The following SEC31A variants were observed in gnomAD, a reference collection of about 807,000 sequenced individuals.
The protein encoded by SEC31A is SEC31 homolog A, COPII component.
Under a neutral mutation model 151.0 loss-of-function variants are expected in SEC31A, and 70 were observed. The observed-to-expected ratio is 0.46, with a 90% CI of 0.38 to 0.57. SEC31A has a LOEUF of 0.57. Ranked by LOEUF, SEC31A falls within the 20% of genes least tolerant of loss-of-function variation. The probability of loss-of-function intolerance (pLI) is 0.00; values close to 1 mark genes in which losing one functional copy is unlikely to be tolerated. For missense variants in SEC31A, 1,330 were observed against 1,471.2 expected, an observed-to-expected ratio of 0.90 and a Z score of 1.57; for synonymous variants, 475 against 505.9, an observed-to-expected ratio of 0.94 and a Z score of 0.82.
At chr4:82,878,260 C>T (rs1039648445) in intron 4 of SEC31A, among the ~76,000 whole-genome samples, 4 of 151,904 alleles carry the variant, frequency 2.6e-5, no homozygotes, top group African/African-American at 4.8e-5. Flanking sequence ...CTTTGGGAGG[C>T]CGAGGCGGGC....
chr4:82,860,738 G>A (rs1578273879), intron 14 of SEC31A, among the ~76,000 whole-genome samples: 1 of 152,100 alleles, frequency 6.6e-6, no homozygotes, highest in African/African-American at 2.4e-5. Flanking sequence ...GCCTCCCAAA[G>A]TGCTGGGATT....
chr4:82,855,164 CATA>C, intron 16 of SEC31A, 135 bp from the exon 17 acceptor site: 1 of 698,548 alleles, frequency 1.4e-6, no homozygotes, highest in South Asian at 2.2e-5. Context: ...AATCAAATGA[CATA>C]ATAATGGTAT....
rs10548601 is a variant in SEC31A, at chr4:82,871,311, T to TACAC, written c.782+629_782+632dup. 3,416 of 1,324,130 alleles carry TACAC rather than the reference T, an allele frequency of 2.6e-3. 7 individuals carry two copies. Among genetic ancestry groups the TACAC allele is most frequent in the Middle Eastern group, 0.018 (73 of 4,086 alleles). The allele number at this position is 1,324,130 out of a possible 1,614,324, so 82.0% of individuals were successfully genotyped here. Reference sequence around the variant, plus strand: ...AAATTATATTGGGATTATACATGCATACACACACACACACACACACACACA... The same window carrying TACAC: ...AAATTATATTGGGATTATACATGCATACACACACACACACACACACACACACACA... On this transcript the variant is annotated intron_variant, in intron 7 of 26. Coordinates refer to ENST00000395310, the MANE Select transcript of SEC31A (RefSeq NM_001077207.4).
At chr4:82,843,704 G>C (rs1729435151) in intron 21 of SEC31A, 1 of 150,450 alleles carries the variant, frequency 6.6e-6, no homozygotes, top group Admixed American at 6.6e-5. Context: ...TTTTCAAATA[G>C]TGGCAATATT....
rs1735111675 is a variant in SEC31A at position 82,865,532 on chromosome 4, T to A, written c.1198-934A>T. ...CATCAAATGAATGGATAAAAAAAAA[T>A]GTGGTATATATATATATATATATAT... On this transcript the variant is annotated intron_variant, in intron 10 of 26. Coordinates refer to ENST00000395310, the MANE Select transcript of SEC31A (RefSeq NM_001077207.4). 3.0e-5 allele frequency among the ~76,000 whole-genome samples: 3 copies of A among 101,348 alleles called. No homozygotes were observed. The Admixed American group carries it at 3.3e-4, about 11-fold the overall frequency. 66.5% of individuals were successfully genotyped at this position (101,348 alleles called of 152,430 possible).
intron 1 of SEC31A, among the ~76,000 whole-genome samples, chr4:82,884,071 T>C (rs1215608641): frequency 4.0e-5 from 6 of 149,770 alleles, no homozygotes; most frequent in African/African-American, 1.2e-4. Context: ...CACTGCAACG[T>C]CTGCCTCCGG....
At chr4:82,854,312 A>G (rs1186949736) in intron 17 of SEC31A, among the ~76,000 whole-genome samples, 1 of 151,790 alleles carries the variant, frequency 6.6e-6, no homozygotes, top group East Asian at 1.9e-4. Context: ...GCAGTGAGCC[A>G]AGATTGTGCC....
intron 16 of SEC31A, among the ~76,000 whole-genome samples, chr4:82,855,247 G>T (rs1182626903): frequency 6.6e-6 from 1 of 152,164 alleles, no homozygotes; most frequent in African/African-American, 2.4e-5. Context: ...TGCTGAGAAG[G>T]AAAAATATAA....
At chr4:82,820,997 AAT>A (rs773953463) in intron 26 of SEC31A, 38 bp downstream of exon 26, 1 of 1,533,848 alleles carries the variant, frequency 6.5e-7, no homozygotes, top group Non-Finnish European at 9.0e-7. Context: ...AGCAACTAGG[AAT>A]AAATGATTAT....
intron 26 of SEC31A, 94 bp downstream of exon 26, chr4:82,820,943 C>A: frequency 1.0e-6 from 1 of 988,656 alleles, no homozygotes; most frequent in South Asian, 1.4e-5. Context: ...AATTTTGCCC[C>A]CATGCATACT....
At chr4:82,857,850 A>C in intron 14 of SEC31A, 86 bp from the exon 15 acceptor site, 1 of 814,268 alleles carries the variant, frequency 1.2e-6, no homozygotes, top group Non-Finnish European at 2.0e-6. Flanking sequence ...ATGATTCTTC[A>C]TCTACAGAGT....
intron 25 of SEC31A, among the ~76,000 whole-genome samples, chr4:82,822,698 G>T (rs1012138772): frequency 1.3e-5 from 2 of 152,228 alleles, no homozygotes; most frequent in Non-Finnish European, 2.9e-5. Context: ...ACCTGGCCAG[G>T]TGCGGTGGCT....
At position 82,857,084 on chromosome 4, in the gene SEC31A, C is replaced by T. The variant is rs749679595; in HGVS notation, c.1749G>A (p.Glu583=). Residue 583 remains glutamate (E), a synonymous_variant, in exon 16 of 27, where the codon GAG becomes GAA. Transcript: ENST00000395310. ...ITQALLTGNF[E]SAVDLCLHDN... ...CATGTAAACAAAGGTCAACAGCACT[C>T]TCAAAATTGCCCGTCAGCAAAGCCT... 25 of 1,613,668 alleles carry T rather than the reference C, an allele frequency of 1.5e-5. No individual in the cohort carries two copies. The highest frequency in any genetic ancestry group is 2.1e-5 in the Non-Finnish European group (25 of 1,179,982).
At chr4:82,866,472 A>AAAAC (rs201792717) in intron 10 of SEC31A, among the ~76,000 whole-genome samples, 2,337 of 152,178 alleles carry the variant, frequency 0.015, 58 homozygotes, top group African/African-American at 0.051. Context: ...CTGTCTCAAA[A>AAAAC]AAACAAACAA....
At position 82,849,056 on chromosome 4, in the gene SEC31A, T is replaced by C. The variant is rs748035305; in HGVS notation, c.2329-79A>G. Reference sequence around the variant, plus strand: ...CAGCATGTTAATTTTCTTAATCAGATTATTCATCAAGATATCCCTTTTTGT... The same window carrying C: ...CAGCATGTTAATTTTCTTAATCAGACTATTCATCAAGATATCCCTTTTTGT... On this transcript the variant is annotated intron_variant, in intron 19 of 26. Coordinates refer to ENST00000395310, the MANE Select transcript of SEC31A (RefSeq NM_001077207.4). 322 of 1,286,758 alleles carry C rather than the reference T, an allele frequency of 2.5e-4. 3 individuals are homozygous for C. Among genetic ancestry groups the C allele is most frequent in the South Asian group, 7.3e-4 (53 of 72,540 alleles). The allele number at this position is 1,286,758 out of a possible 1,614,324, so 79.7% of individuals were successfully genotyped here. A position where few individuals can be genotyped will look rare whatever the true frequency, so the allele number is the denominator to read the frequency against.
chr4:82,861,086 C>T (rs1734029545), intron 14 of SEC31A, among the ~76,000 whole-genome samples: 1 of 150,204 alleles, frequency 6.7e-6, no homozygotes, highest in Non-Finnish European at 1.5e-5. Flanking sequence ...AAAAAAACAC[C>T]CAGAAAATTA....
chr4:82,886,488 G>C (rs1740738170), intron 1 of SEC31A, among the ~76,000 whole-genome samples: 1 of 152,156 alleles, frequency 6.6e-6, no homozygotes, highest in South Asian at 2.1e-4. Context: ...TAGTGCTTTT[G>C]ATAGGTTTGC....
chr4:82,875,324 A>G (rs1053404474), intron 5 of SEC31A, among the ~76,000 whole-genome samples: 1 of 152,188 alleles, frequency 6.6e-6, no homozygotes, highest in African/African-American at 2.4e-5. Context: ...GGCTTGAGGT[A>G]TTTATTTTAA....
chr4:82,873,484 T>C lies in SEC31A; in HGVS notation c.639+1127A>G, dbSNP rs550950852. On this transcript the variant is annotated intron_variant, in intron 6 of 26. Coordinates refer to ENST00000395310, the MANE Select transcript of SEC31A (RefSeq NM_001077207.4). ...GCAAAAACTACCATTTAAATTTTCATATGGAATAAATTAACATTATTAGGA... is the reference window on the plus strand; with the variant it reads ...GCAAAAACTACCATTTAAATTTTCACATGGAATAAATTAACATTATTAGGA... Among the ~76,000 whole-genome samples, 15 of 152,310 alleles carry C rather than the reference T, an allele frequency of 9.8e-5. No homozygotes were observed. The South Asian group carries it at 3.1e-3, about 32-fold the overall frequency.
Sources: gnomAD v4.1 joint callset for allele counts (sites outside exome capture counted in the v4.1 genomes callset) on GRCh38, gnomAD v4.1.1 for gene constraint, MANE v1.5 for transcripts, NCBI Gene and HGNC (gene_info 2026-07-23, HGNC 2026-07-21) for gene names.